The following ADAMTS2 variants were observed in gnomAD, a reference collection of about 807,000 sequenced individuals.
ADAMTS2 encodes A disintegrin and metalloproteinase with thrombospondin motifs 2.
Under a neutral mutation model 123.0 loss-of-function variants are expected in ADAMTS2, and 50 were observed. That is an observed-to-expected ratio of 0.41 (90% confidence interval 0.32 to 0.51). The LOEUF is 0.51. Ranked by LOEUF, ADAMTS2 falls within the 20% of genes least tolerant of loss-of-function variation. The pLI is 0.35. For synonymous variants in ADAMTS2, 678 were observed against 695.4 expected, an observed-to-expected ratio of 0.98 and a Z score of 0.39; for missense variants, 1,494 against 1,705.2, an observed-to-expected ratio of 0.88 and a Z score of 2.18.
chr5:179,203,906 C>T (rs1248499438), intron 4 of ADAMTS2, among the ~76,000 whole-genome samples: 4 of 152,116 alleles, frequency 2.6e-5, no homozygotes, highest in African/African-American at 4.8e-5. Flanking sequence ...CCCACGTTCA[C>T]GGCAGCACTA....
intron 2 of ADAMTS2, among the ~76,000 whole-genome samples, chr5:179,282,495 T>G (rs1419049377): frequency 6.6e-6 from 1 of 152,238 alleles, no homozygotes; most frequent in African/African-American, 2.4e-5. Context: ...TATATGTCTA[T>G]CCTTCTGCCA....
intron 8 of ADAMTS2, 115 bp downstream of exon 8, chr5:179,153,934 G>A (rs1215224421): frequency 8.5e-6 from 12 of 1,415,794 alleles, no homozygotes; most frequent in Non-Finnish European, 1.1e-5. Context: ...CCGCACACAA[G>A]CTTAGAGGAC....
chr5:179,215,602 A>G (rs748117264), intron 3 of ADAMTS2, among the ~76,000 whole-genome samples: 12 of 152,206 alleles, frequency 7.9e-5, no homozygotes. Flanking sequence ...AAAAAATTTA[A>G]AGTCACAAGC....
At chr5:179,173,402 A>T (rs1328160915) in intron 5 of ADAMTS2, among the ~76,000 whole-genome samples, 1 of 152,156 alleles carries the variant, frequency 6.6e-6, no homozygotes, top group Non-Finnish European at 1.5e-5. Context: ...CCAAATTGAG[A>T]TCATACGGAA....
intron 2 of ADAMTS2, among the ~76,000 whole-genome samples, chr5:179,304,919 A>G (rs529272059): frequency 6.6e-6 from 1 of 152,332 alleles, no homozygotes; most frequent in East Asian, 1.9e-4. Context: ...TCTGAAAACT[A>G]CAGACAAAAA....
At chr5:179,319,999 C>T (rs1342712919) in intron 2 of ADAMTS2, among the ~76,000 whole-genome samples, 1 of 152,244 alleles carries the variant, frequency 6.6e-6, no homozygotes, top group Non-Finnish European at 1.5e-5. Flanking sequence ...TCCTGCTGCC[C>T]AGCCTGACGG....
At chr5:179,315,297 T>C (rs1227988535) in intron 2 of ADAMTS2, among the ~76,000 whole-genome samples, 1 of 152,182 alleles carries the variant, frequency 6.6e-6, no homozygotes, top group Non-Finnish European at 1.5e-5. Flanking sequence ...AGGCCACAGT[T>C]GGCTTCTGGA....
chr5:179,244,259 T>C (rs1164235233), intron 3 of ADAMTS2, among the ~76,000 whole-genome samples: 2 of 151,748 alleles, frequency 1.3e-5, no homozygotes, highest in Non-Finnish European at 2.9e-5. Context: ...AAAGAGAAAA[T>C]TCTGAAAGCA....
intron 20 of ADAMTS2, 37 bp from the exon 21 acceptor site, chr5:179,121,787 C>A (rs1453789791): frequency 8.9e-6 from 13 of 1,455,346 alleles, no homozygotes; most frequent in Non-Finnish European, 1.1e-5. Flanking sequence ...CCGCAGGGCA[C>A]CAGGCTGGGG....
chr5:179,114,929 A>G (rs1338686997), intron 21 of ADAMTS2, among the ~76,000 whole-genome samples: 5 of 152,218 alleles, frequency 3.3e-5, no homozygotes, highest in Admixed American at 2.0e-4. Flanking sequence ...AAGGAAAGTT[A>G]AACATCACCC....
intron 3 of ADAMTS2, among the ~76,000 whole-genome samples, chr5:179,259,514 A>C (rs1766156867): frequency 6.6e-6 from 1 of 152,198 alleles, no homozygotes; most frequent in Non-Finnish European, 1.5e-5. Flanking sequence ...GTCCAGAGAC[A>C]ACCGCGCAGG....
chr5:179,187,595 C>T (rs987341666), intron 4 of ADAMTS2, among the ~76,000 whole-genome samples: 2 of 152,140 alleles, frequency 1.3e-5, no homozygotes, highest in African/African-American at 4.8e-5. Context: ...GGCCTCCCCT[C>T]CCCTCCCCCC....
At chr5:179,194,161 G>T (rs893741289) in intron 4 of ADAMTS2, among the ~76,000 whole-genome samples, 1 of 152,114 alleles carries the variant, frequency 6.6e-6, no homozygotes, top group African/African-American at 2.4e-5. Flanking sequence ...CTATCAGGAG[G>T]TCTGCGGAGG....
chr5:179,322,550 C>G (rs978624117), intron 2 of ADAMTS2, among the ~76,000 whole-genome samples: 21 of 152,172 alleles, frequency 1.4e-4, no homozygotes, highest in African/African-American at 5.1e-4. Flanking sequence ...CATCAGACAC[C>G]GGGAGACGCG....
intron 2 of ADAMTS2, among the ~76,000 whole-genome samples, chr5:179,295,258 C>A (rs1756296851): frequency 6.6e-6 from 1 of 152,198 alleles, no homozygotes; most frequent in African/African-American, 2.4e-5. Flanking sequence ...GGGCTCCCCA[C>A]CCCTTCACCT....
At chr5:179,226,985 C>T (rs1183758439) in intron 3 of ADAMTS2, among the ~76,000 whole-genome samples, 3 of 152,128 alleles carry the variant, frequency 2.0e-5, no homozygotes, top group Admixed American at 6.5e-5. Context: ...CCCTGATAAT[C>T]GCAAATGCAG....
rs191429112 is a variant in ADAMTS2 at position 179,235,009 on chromosome 5, C to T, written c.689-27294G>A. Among the ~76,000 whole-genome samples the T allele has an allele frequency of 1.3e-3, 202 of 152,310 alleles. 1 individual carries two copies. Among genetic ancestry groups the T allele is most frequent in the African/African-American group, 4.6e-3 (193 of 41,572 alleles). On this transcript the variant is annotated intron_variant, in intron 3 of 21. Transcript: ENST00000251582. ...CGCAACGCCCTTACAGCCATGGGTC[C>T]GAGAAAACACTGCTCACTCTGCCCA...
intron 20 of ADAMTS2, 134 bp downstream of exon 20, chr5:179,122,510 G>T (rs1416082600): frequency 2.2e-6 from 3 of 1,333,978 alleles, no homozygotes; most frequent in African/African-American, 1.4e-5. Context: ...GCAGTGCCCC[G>T]CTTCTCCATG....
intron 2 of ADAMTS2, among the ~76,000 whole-genome samples, chr5:179,326,652 T>C (rs551520702): frequency 8.5e-5 from 13 of 152,290 alleles, no homozygotes; most frequent in African/African-American, 3.1e-4. Flanking sequence ...CGCTGCTCAG[T>C]GCTGGCCCTC....
Sources: gnomAD v4.1 joint callset for allele counts (sites outside exome capture counted in the v4.1 genomes callset) on GRCh38, gnomAD v4.1.1 for gene constraint, MANE v1.5 for transcripts, NCBI Gene and HGNC (gene_info 2026-07-23, HGNC 2026-07-21) for gene names.